The following KRCC1 variants were observed in gnomAD, a reference collection of about 807,000 sequenced individuals.
KRCC1 encodes lysine rich coiled-coil 1.
KRCC1 carries 3 observed loss-of-function variants against 7.4 expected under a neutral mutation model. The ratio of observed to expected loss-of-function variants is 0.40; its 90% CI spans 0.18 to 1.04. The LOEUF (loss-of-function observed/expected upper bound fraction) is 1.04, where lower values mean the gene tolerates loss of function less well. KRCC1 is among the 50% of genes least tolerant of loss of function. The probability of loss-of-function intolerance (pLI) is 0.33; values close to 1 mark genes in which losing one functional copy is unlikely to be tolerated. For missense variants in KRCC1, 277 were observed against 300.9 expected (o/e 0.92, Z 0.59); for synonymous variants, 102 against 101.6 (o/e 1.00, Z -0.02).
At chr2:88,049,737 T>C (rs1275121515) in intron 1 of KRCC1, among the ~76,000 whole-genome samples, 1 of 152,248 alleles carries the variant, frequency 6.6e-6, no homozygotes, top group Admixed American at 6.5e-5. Flanking sequence ...TTCTTAGTCA[T>C]TTTAACATGC....
intron 1 of KRCC1, among the ~76,000 whole-genome samples, chr2:88,043,099 T>C (rs1269066744): frequency 6.6e-6 from 1 of 152,182 alleles, no homozygotes; most frequent in Non-Finnish European, 1.5e-5. Context: ...TTGTTGATAT[T>C]TGAAATACAG....
intron 1 of KRCC1, among the ~76,000 whole-genome samples, chr2:88,040,697 G>A (rs78373603): frequency 0.019 from 2,925 of 152,238 alleles, 95 homozygotes; most frequent in African/African-American, 0.068. Flanking sequence ...TTGGGAATAA[G>A]TGAACAAGAC....
intron 1 of KRCC1, among the ~76,000 whole-genome samples, chr2:88,042,227 A>AT (rs1190617882): frequency 2.0e-5 from 3 of 151,782 alleles, no homozygotes; most frequent in African/African-American, 7.3e-5. Flanking sequence ...CACCCGGCTA[A>AT]TTTTTTGTAT....
chr2:88,047,960 C>T (rs1264805331), intron 1 of KRCC1, among the ~76,000 whole-genome samples: 1 of 152,164 alleles, frequency 6.6e-6, no homozygotes, highest in Non-Finnish European at 1.5e-5. Flanking sequence ...CTAATAAATA[C>T]ACCAAATTAC....
intron 1 of KRCC1, among the ~76,000 whole-genome samples, chr2:88,041,156 T>C (rs1264718170): frequency 6.6e-6 from 1 of 152,070 alleles, no homozygotes; most frequent in Non-Finnish European, 1.5e-5. Flanking sequence ...GTAGCAGAGC[T>C]AACAGAAAGG....
At chr2:88,042,146 C>T (rs1673225477) in intron 1 of KRCC1, among the ~76,000 whole-genome samples, 2 of 151,114 alleles carry the variant, frequency 1.3e-5, no homozygotes, top group Non-Finnish European at 2.9e-5. Context: ...CTGCAAGCTC[C>T]GCCTCCCAGG....
At chr2:88,030,046 C>A (rs1672964856) in intron 3 of KRCC1, among the ~76,000 whole-genome samples, 1 of 150,750 alleles carries the variant, frequency 6.6e-6, no homozygotes, top group African/African-American at 2.4e-5. Flanking sequence ...TGCGGTTTCA[C>A]CATGTTGGCC....
chr2:88,039,181 C>A (rs1175589012), intron 1 of KRCC1, among the ~76,000 whole-genome samples: 1 of 152,058 alleles, frequency 6.6e-6, no homozygotes, highest in Non-Finnish European at 1.5e-5. Flanking sequence ...TAACATATTG[C>A]TCTTTGTACA....
chr2:88,053,430 C>T (rs554646615), intron 1 of KRCC1, among the ~76,000 whole-genome samples: 1 of 152,152 alleles, frequency 6.6e-6, no homozygotes, highest in Non-Finnish European at 1.5e-5. Flanking sequence ...CTTTTTTCCA[C>T]GACAAGTTGT....
rs1279604985 is a variant in KRCC1, at chr2:88,028,425, T to C, written c.139A>G (p.Lys47Glu). 1.2e-6 allele frequency: 2 copies of C among 1,614,178 alleles called. No individual in the cohort carries two copies. Among genetic ancestry groups the C allele is most frequent in the Admixed American group, 3.3e-5 (2 of 60,016 alleles). Residue 47 changes from lysine to glutamate, a missense_variant, in exon 4 of 4, where the codon AAA becomes GAA. By Grantham distance (56) the Lys-to-Glu change is moderately conservative. Transcript: ENST00000347055. Reference protein sequence around the residue: ...KGDYLETCGYKGEVNSRPTYR... With the variant: ...KGDYLETCGYEGEVNSRPTYR... ...GTGGGTCTGGAATTAACCTCTCCTT[T>C]GTACCCACAGGTTTCCAAATAGTCC... is the stretch of plus-strand genomic sequence containing the variant.
At chr2:88,046,057 T>C (rs554368469) in intron 1 of KRCC1, among the ~76,000 whole-genome samples, 1 of 152,198 alleles carries the variant, frequency 6.6e-6, no homozygotes, top group African/African-American at 2.4e-5. Flanking sequence ...GAGTTTAAAC[T>C]TTTTTTGGAA....
At chr2:88,035,811 G>A (rs762297966) in intron 2 of KRCC1, among the ~76,000 whole-genome samples, 4 of 152,052 alleles carry the variant, frequency 2.6e-5, no homozygotes, top group Non-Finnish European at 1.5e-5. Context: ...CACAGAGCCC[G>A]CCCTTTGACT....
intron 1 of KRCC1, among the ~76,000 whole-genome samples, chr2:88,052,007 C>A (rs759291158): frequency 3.9e-5 from 6 of 152,204 alleles, no homozygotes; most frequent in Non-Finnish European, 8.8e-5. Flanking sequence ...CAAGTAGGTG[C>A]TGGTAGCACC....
At position 88,027,429 on chromosome 2, in the gene KRCC1, C is replaced by CA. The variant is rs1248848760; in HGVS notation, c.*354dup. 2 of 179,054 alleles carry CA rather than the reference C, an allele frequency of 1.1e-5. No homozygotes were observed. The highest frequency in any genetic ancestry group is 2.3e-5 in the Non-Finnish European group (2 of 86,114). The allele number at this position is 179,054 out of a possible 1,614,324, so 11.1% of individuals were successfully genotyped here. On this transcript the variant is annotated 3_prime_UTR_variant, in exon 4 of 4. Coordinates refer to ENST00000347055, the MANE Select transcript of KRCC1 (RefSeq NM_016618.3). ...TAAAATACCCAACTCAAAACTATAA[C>CA]AAACCCAATCAAGAAACAGATTGTG...
intron 1 of KRCC1, among the ~76,000 whole-genome samples, chr2:88,041,652 C>T (rs764778288): frequency 7.9e-5 from 12 of 152,156 alleles, no homozygotes; most frequent in Non-Finnish European, 1.8e-4. Context: ...AAAGAAAGCT[C>T]GGTAGTGAAC....
At chr2:88,055,329 G>A (rs940680745) in intron 1 of KRCC1, among the ~76,000 whole-genome samples, 4 of 151,692 alleles carry the variant, frequency 2.6e-5, no homozygotes, top group Non-Finnish European at 5.9e-5. Flanking sequence ...TGACGCTCCG[G>A]GTCTAGATTT....
rs1672919073 is a variant in KRCC1, at chr2:88,028,299, A to G, written c.265T>C (p.Leu89=). The G allele has an allele frequency of 1.2e-6, 2 of 1,614,058 alleles. No homozygotes were observed. The highest frequency in any genetic ancestry group is 1.7e-6 in the Non-Finnish European group (2 of 1,180,038). The change falls in exon 4 of 4, where the codon TTA becomes CTA. Residue 89 remains leucine (L), a synonymous_variant. Coordinates refer to ENST00000347055, the MANE Select transcript of KRCC1 (RefSeq NM_016618.3). Reference sequence around the variant, plus strand: ...CTCAATCTGCTGTCATGGGCTGGTAACCACTGAGGCAACCGATTTTCCACT... The same window carrying G: ...CTCAATCTGCTGTCATGGGCTGGTAGCCACTGAGGCAACCGATTTTCCACT... ...QTVENRLPQW[L]PAHDSRLRLD...
intron 1 of KRCC1, among the ~76,000 whole-genome samples, chr2:88,052,402 C>T (rs902751500): frequency 1.3e-5 from 2 of 152,176 alleles, no homozygotes; most frequent in African/African-American, 2.4e-5. Context: ...GTGCATGTAC[C>T]TAAAAACGCT....
chr2:88,036,584 T>C (rs139159433), intron 2 of KRCC1, among the ~76,000 whole-genome samples: 2 of 152,168 alleles, frequency 1.3e-5, no homozygotes, highest in Admixed American at 1.3e-4. Flanking sequence ...TTTGATTAAT[T>C]TGATTAGTAA....
Sources: gnomAD v4.1 joint callset for allele counts (sites outside exome capture counted in the v4.1 genomes callset) on GRCh38, gnomAD v4.1.1 for gene constraint, MANE v1.5 for transcripts, NCBI Gene and HGNC (gene_info 2026-07-23, HGNC 2026-07-21) for gene names.